The following RASGRF2 variants were observed in gnomAD, a reference collection of about 807,000 sequenced individuals.
The protein encoded by RASGRF2 is ras-specific guanine nucleotide-releasing factor 2.
A neutral mutation model predicts 151.0 loss-of-function variants in RASGRF2; 76 were observed. The ratio of observed to expected loss-of-function variants is 0.50; its 90% CI spans 0.42 to 0.61. The LOEUF is 0.61. Among genes scored for constraint, RASGRF2 ranks in the 20% least tolerant of loss-of-function variants. The pLI is 0.00. For missense variants in RASGRF2, 1,148 were observed against 1,564.6 expected, an observed-to-expected ratio of 0.73 and a Z score of 4.49; for synonymous variants, 504 against 566.5, an observed-to-expected ratio of 0.89 and a Z score of 1.57.
At chr5:81,002,072 A>T (rs1274591437) in intron 1 of RASGRF2, among the ~76,000 whole-genome samples, 1 of 152,262 alleles carries the variant, frequency 6.6e-6, no homozygotes. Flanking sequence ...GCAGTGGTCC[A>T]GTTGGTGAAA....
chr5:81,165,926 G>C (rs181185231), intron 17 of RASGRF2, among the ~76,000 whole-genome samples: 1 of 151,952 alleles, frequency 6.6e-6, no homozygotes, highest in Non-Finnish European at 1.5e-5. Flanking sequence ...CTCTCTGGAG[G>C]CCCCATCATC....
intron 1 of RASGRF2, among the ~76,000 whole-genome samples, chr5:80,969,123 CT>C (rs551407326): frequency 0.029 from 2,658 of 93,198 alleles, 39 homozygotes; most frequent in African/African-American, 0.052. Flanking sequence ...GTGCAGGACT[CT>C]TTTTTTTTTT....
At chr5:81,101,562 C>G (rs964830303) in intron 12 of RASGRF2, among the ~76,000 whole-genome samples, 5 of 151,970 alleles carry the variant, frequency 3.3e-5, no homozygotes, top group Middle Eastern at 3.4e-3. Context: ...AAACCATTCC[C>G]CTATTTTATA....
chr5:81,183,218 G>A, intron 18 of RASGRF2: 1 of 982,440 alleles, frequency 1.0e-6, no homozygotes, highest in Non-Finnish European at 1.2e-6. Flanking sequence ...AAAAGCTGTA[G>A]ATCCACATCA....
intron 15 of RASGRF2, among the ~76,000 whole-genome samples, chr5:81,116,051 T>C (rs559011452): frequency 2.9e-5 from 4 of 139,210 alleles, no homozygotes; most frequent in Non-Finnish European, 4.6e-5. Flanking sequence ...TAATCACTAG[T>C]GGTGAATGCC....
rs1487549814 is a variant in RASGRF2 at position 81,229,678 on chromosome 5, C to T, written c.*3908C>T. 6.6e-6 allele frequency: 1 copy of T among 152,226 alleles called. No individual in the cohort carries two copies. The highest frequency in any genetic ancestry group is 2.4e-5 in the African/African-American group (1 of 41,456). 9.4% of individuals were successfully genotyped at this position (152,226 alleles called of 1,614,324 possible). A position where few individuals can be genotyped will look rare whatever the true frequency, so the allele number is the denominator to read the frequency against. On this transcript the variant is annotated 3_prime_UTR_variant, in exon 27 of 27. Transcript: ENST00000265080. ...ATGTTGGTTTTTACACAGCTCATTT[C>T]ATTTTTCACTAGAAAGCCAGTTATG...
At chr5:81,192,631 C>T (rs536379454) in intron 18 of RASGRF2, among the ~76,000 whole-genome samples, 1 of 152,316 alleles carries the variant, frequency 6.6e-6, no homozygotes, top group South Asian at 2.1e-4. Flanking sequence ...AGCACAATCT[C>T]CCCTGGAAGA....
At chr5:81,015,664 T>G (rs1749607749) in intron 1 of RASGRF2, among the ~76,000 whole-genome samples, 1 of 143,798 alleles carries the variant, frequency 7.0e-6, no homozygotes, top group African/African-American at 2.5e-5. Flanking sequence ...ATACATTAAT[T>G]AGTCCTTTTA....
intron 1 of RASGRF2, among the ~76,000 whole-genome samples, chr5:80,988,256 G>T (rs1425305512): frequency 6.6e-6 from 1 of 151,986 alleles, no homozygotes; most frequent in African/African-American, 2.4e-5. Flanking sequence ...TCACCATGTT[G>T]CCTAGGCTGG....
At chr5:81,053,574 T>C (rs1580257334) in intron 2 of RASGRF2, among the ~76,000 whole-genome samples, 2 of 152,234 alleles carry the variant, frequency 1.3e-5, no homozygotes, top group Non-Finnish European at 1.5e-5. Flanking sequence ...TGAATAGTGC[T>C]GCAATAAACA....
At chr5:81,095,228 G>T (rs1017449550) in intron 12 of RASGRF2, among the ~76,000 whole-genome samples, 1 of 152,012 alleles carries the variant, frequency 6.6e-6, no homozygotes. Flanking sequence ...TAGTTCCTGG[G>T]CATTTTACAC....
At chr5:80,975,309 A>T (rs986750370) in intron 1 of RASGRF2, among the ~76,000 whole-genome samples, 1 of 151,866 alleles carries the variant, frequency 6.6e-6, no homozygotes, top group Non-Finnish European at 1.5e-5. Context: ...ATGAGTTCAA[A>T]CAGATTTTTT....
At chr5:81,081,936 A>G (rs1396120332) in intron 7 of RASGRF2, among the ~76,000 whole-genome samples, 8 of 152,242 alleles carry the variant, frequency 5.3e-5, no homozygotes, top group African/African-American at 1.9e-4. Flanking sequence ...TTTCACAAGA[A>G]AGATTTCAGA....
At chr5:81,108,097 C>T (rs955695816) in intron 12 of RASGRF2, among the ~76,000 whole-genome samples, 3 of 152,318 alleles carry the variant, frequency 2.0e-5, no homozygotes, top group East Asian at 1.9e-4. Flanking sequence ...TGTGAGGTCA[C>T]GTTGCAATCA....
intron 12 of RASGRF2, among the ~76,000 whole-genome samples, chr5:81,106,896 A>G (rs1752861508): frequency 6.6e-6 from 1 of 152,194 alleles, no homozygotes; most frequent in Non-Finnish European, 1.5e-5. Flanking sequence ...TGTGAAGAAG[A>G]GCAGCCCCTG....
chr5:80,979,129 CCT>C (rs1348686485), intron 1 of RASGRF2, among the ~76,000 whole-genome samples: 1 of 152,130 alleles, frequency 6.6e-6, no homozygotes. Context: ...GTGAGAGTCT[CCT>C]TTTAGCTACT....
chr5:80,993,225 C>A (rs1015415870), intron 1 of RASGRF2, among the ~76,000 whole-genome samples: 11 of 152,168 alleles, frequency 7.2e-5, no homozygotes, highest in African/African-American at 2.7e-4. Flanking sequence ...ATGACAGTGT[C>A]TGGAAATGGA....
At chr5:81,030,618 C>A (rs1290608942) in intron 1 of RASGRF2, among the ~76,000 whole-genome samples, 3 of 152,140 alleles carry the variant, frequency 2.0e-5, no homozygotes, top group African/African-American at 7.2e-5. Context: ...TTTGTCACCA[C>A]CAGACCTGCC....
At chr5:81,089,893 T>A (rs73766184) in intron 9 of RASGRF2, among the ~76,000 whole-genome samples, 4,504 of 152,308 alleles carry the variant, frequency 0.03, 187 homozygotes, top group African/African-American at 0.092. Context: ...AGATCCAAAT[T>A]TTGGAATGAC....
Sources: gnomAD v4.1 joint callset for allele counts (sites outside exome capture counted in the v4.1 genomes callset) on GRCh38, gnomAD v4.1.1 for gene constraint, MANE v1.5 for transcripts, NCBI Gene and HGNC (gene_info 2026-07-23, HGNC 2026-07-21) for gene names.